Variants in KAZN observed in about 807,000 individuals in gnomAD.
KAZN encodes kazrin, periplakin interacting protein.
A neutral mutation model predicts 87.4 loss-of-function variants in KAZN; 40 were observed. The ratio of observed to expected loss-of-function variants is 0.46; its 90% CI spans 0.36 to 0.60. The LOEUF is 0.60. Ranked by LOEUF, KAZN falls within the 20% of genes least tolerant of loss-of-function variation. The probability of loss-of-function intolerance (pLI) is 0.00; values close to 1 mark genes in which losing one functional copy is unlikely to be tolerated. For missense variants in KAZN, 898 were observed against 1,073.9 expected (o/e 0.84, Z 2.29); for synonymous variants, 466 against 458.3 (o/e 1.02, Z -0.22).
chr1:14,409,136 AAC>A (rs921991001), intron 2 of KAZN, among the ~76,000 whole-genome samples: 8 of 152,224 alleles, frequency 5.3e-5, no homozygotes, highest in African/African-American at 1.7e-4. Flanking sequence ...CTCTTGTACA[AAC>A]AGTTACAAAT....
intron 2 of KAZN, chr1:14,222,906 A>C (rs1289361001): frequency 2.6e-5 from 4 of 152,200 alleles, no homozygotes; most frequent in African/African-American, 9.7e-5. Flanking sequence ...TTTTGTAACT[A>C]TCATTATTAT....
chr1:14,560,957 C>T lies in KAZN; in HGVS notation c.250-38026C>T, dbSNP rs114103537. 1.7e-3 allele frequency among the ~76,000 whole-genome samples: 256 copies of T among 152,268 alleles called. 5 individuals are homozygous for T. Among genetic ancestry groups the T allele is most frequent in the African/African-American group, 5.8e-3 (243 of 41,548 alleles). ...TGGCTAATGGCATACTATGTTGCCC[C>T]ATCAGGAAGAGAAGTGTGTGGCTGT... On this transcript the variant is annotated intron_variant, in intron 2 of 16. Transcript: ENST00000636203.
At chr1:14,592,744 G>A (rs977161255) in intron 2 of KAZN, among the ~76,000 whole-genome samples, 3 of 152,182 alleles carry the variant, frequency 2.0e-5, no homozygotes, top group Admixed American at 6.5e-5. Context: ...AAAGAAGCAT[G>A]AGAGTTTCTC....
chr1:14,898,439 A>C (rs1353278887), intron 1 of KAZN, among the ~76,000 whole-genome samples: 1 of 152,202 alleles, frequency 6.6e-6, no homozygotes, highest in African/African-American at 2.4e-5. Context: ...CAGAAGGTCA[A>C]ATCAAAGCAT....
chr1:14,730,381 C>CAGGAAATTTATTTCT (rs1643625573), intron 1 of KAZN, among the ~76,000 whole-genome samples: 1 of 152,218 alleles, frequency 6.6e-6, no homozygotes, highest in Admixed American at 6.5e-5. Context: ...CGTGCCCGGC[C>CAGGAAATTTATTTCT]TAAAGTATCT....
chr1:14,697,476 C>T (rs1048034853), intron 1 of KAZN, among the ~76,000 whole-genome samples: 4 of 152,214 alleles, frequency 2.6e-5, no homozygotes, highest in African/African-American at 7.2e-5. Flanking sequence ...CATCTCTGTT[C>T]TTCTGGAGAG....
At chr1:15,100,939 A>G (rs907806732) in intron 10 of KAZN, among the ~76,000 whole-genome samples, 9 of 152,030 alleles carry the variant, frequency 5.9e-5, no homozygotes, top group African/African-American at 1.9e-4. Context: ...GGCCAAGCCC[A>G]GGCTTTGTGG....
intron 2 of KAZN, among the ~76,000 whole-genome samples, chr1:15,006,430 C>T (rs1669004653): frequency 6.6e-6 from 1 of 152,202 alleles, no homozygotes; most frequent in African/African-American, 2.4e-5. Flanking sequence ...AAAGCCCGGG[C>T]CGGGCTGGTC....
chr1:14,586,541 T>TTA (rs1675859250), intron 2 of KAZN, among the ~76,000 whole-genome samples: 1 of 150,912 alleles, frequency 6.6e-6, no homozygotes, highest in African/African-American at 2.4e-5. Context: ...TTTTTTTTTT[T>TTA]TTTTAGAGAT....
chr1:14,277,562 G>T lies in KAZN; in HGVS notation c.249+96970G>T, dbSNP rs190038132. Among the ~76,000 whole-genome samples, 16 of 151,934 alleles carry T rather than the reference G, an allele frequency of 1.1e-4. No individual in the cohort carries two copies. The East Asian group carries it at 2.1e-3, about 20-fold the overall frequency. On this transcript the variant is annotated intron_variant, in intron 2 of 16. Transcript: ENST00000636203. The stretch of plus-strand genomic sequence containing the variant: ...GCCTGTAATCCCAGCTACTCGGGAG[G>T]CTGAGGTGGAGAATTGCTTGAACCC...
intron 8 of KAZN, among the ~76,000 whole-genome samples, chr1:15,070,873 G>A (rs1449552453): frequency 6.6e-6 from 1 of 152,024 alleles, no homozygotes; most frequent in Non-Finnish European, 1.5e-5. Flanking sequence ...AATATCTCTG[G>A]GTTTTCCCCA....
At chr1:13,902,875 A>G (rs1267738447) in intron 1 of KAZN, among the ~76,000 whole-genome samples, 2 of 152,228 alleles carry the variant, frequency 1.3e-5, no homozygotes, top group Non-Finnish European at 2.9e-5. Flanking sequence ...TTAAACAGAC[A>G]AGCTTTCCCT....
chr1:14,539,269 A>G (rs1385423364), intron 2 of KAZN, among the ~76,000 whole-genome samples: 1 of 152,236 alleles, frequency 6.6e-6, no homozygotes, highest in African/African-American at 2.4e-5. Flanking sequence ...GTAGAATTTG[A>G]CCAGTCGTTA....
intron 2 of KAZN, among the ~76,000 whole-genome samples, chr1:14,370,767 C>T (rs370366645): frequency 2.6e-5 from 4 of 152,324 alleles, no homozygotes; most frequent in East Asian, 3.9e-4. Flanking sequence ...TCACTGCAGC[C>T]TGGACCTCCC....
rs571426182 is a variant in KAZN at position 14,220,702 on chromosome 1, C to T, written c.249+40110C>T. The stretch of plus-strand genomic sequence containing the variant: ...ATATTAGAATTAATGCAGCCGTCAA[C>T]ACTATCTTACTAGCTTAACATGAAC... On this transcript the variant is annotated intron_variant, in intron 2 of 16. Coordinates refer to the KAZN transcript ENST00000636203. Among the ~76,000 whole-genome samples the T allele has an allele frequency of 8.5e-5, 13 of 152,294 alleles. No individual in the cohort carries two copies. In the South Asian group the frequency reaches 2.7e-3, roughly 32 times the overall value.
upstream of KAZN, among the ~76,000 whole-genome samples, chr1:14,595,594 T>C (rs1320760135): frequency 7.1e-6 from 1 of 141,558 alleles, no homozygotes; most frequent in Non-Finnish European, 1.5e-5. Context: ...AGGCAGACAA[T>C]CCCTTGAACC....
intron 1 of KAZN, among the ~76,000 whole-genome samples, chr1:14,608,685 G>A (rs558859767): frequency 6.6e-6 from 1 of 152,168 alleles, no homozygotes; most frequent in African/African-American, 2.4e-5. Context: ...TAGCTTTTCT[G>A]TCCTCTTTTC....
intron 2 of KAZN, among the ~76,000 whole-genome samples, chr1:14,498,131 T>G (rs969443036): frequency 1.3e-5 from 2 of 152,212 alleles, no homozygotes; most frequent in Non-Finnish European, 2.9e-5. Context: ...CCTTCTCCAG[T>G]TTTCTTCTTT....
At chr1:14,308,480 T>C (rs185784519) in intron 2 of KAZN, among the ~76,000 whole-genome samples, 74 of 152,320 alleles carry the variant, frequency 4.9e-4, no homozygotes, top group African/African-American at 1.7e-3. Context: ...GGGTAAAAGT[T>C]ATATAGAAGT....
Sources: gnomAD v4.1 joint callset for allele counts (sites outside exome capture counted in the v4.1 genomes callset) on GRCh38, gnomAD v4.1.1 for gene constraint, MANE v1.5 for transcripts, NCBI Gene and HGNC (gene_info 2026-07-23, HGNC 2026-07-21) for gene names.